GPC3: variants seen among roughly 807,000 people sequenced by gnomAD.
GPC3 encodes glypican 3, also known as glypican-3.
In GPC3, 3 loss-of-function variants were observed where a neutral mutation model predicts 34.4. That is an observed-to-expected ratio of 0.09 (90% CI 0.04 to 0.23). GPC3 has a LOEUF of 0.23. GPC3 is among the 10% of genes least tolerant of loss of function. The pLI, the probability that GPC3 is intolerant of heterozygous loss-of-function variation, is 1.00. For synonymous variants in GPC3, 177 were observed against 174.0 expected, an observed-to-expected ratio of 1.02 and a Z score of -0.13; for missense variants, 351 against 445.6, an observed-to-expected ratio of 0.79 and a Z score of 1.91.
chrX:133,646,864 G>A (rs1469530746), intron 6 of GPC3, among the ~76,000 whole-genome samples: 1 of 111,845 alleles, frequency 8.9e-6, no homozygotes, highest in Non-Finnish European at 1.9e-5. Context: ...GACTGAACAG[G>A]AAGAGAGTTC....
chrX:133,734,268 A>G (rs973745336), intron 3 of GPC3, among the ~76,000 whole-genome samples: 3 of 112,029 alleles, frequency 2.7e-5, no homozygotes, highest in African/African-American at 3.2e-5. Context: ...TATCATATCA[A>G]TAGAATAAAG....
intron 1 of GPC3, among the ~76,000 whole-genome samples, chrX:133,965,602 C>T (rs1285930917): frequency 1.8e-5 from 2 of 111,705 alleles, no homozygotes; most frequent in African/African-American, 6.5e-5. Context: ...TGATTTTGGA[C>T]TTCTGACCAT....
intron 2 of GPC3, chrX:133,762,845 A>C (rs753332781): frequency 1.9e-6 from 1 of 530,597 alleles, no homozygotes; most frequent in Admixed American, 2.3e-5. Flanking sequence ...GGTGTCCTTA[A>C]GTTCCTTGCA....
intron 7 of GPC3, among the ~76,000 whole-genome samples, chrX:133,562,858 C>T (rs190655814): frequency 3.5e-4 from 36 of 102,519 alleles, no homozygotes; most frequent in African/African-American, 1.3e-3. Flanking sequence ...TGAGTAGCTC[C>T]GGTCAACTAC....
At chrX:133,550,024 G>A in intron 7 of GPC3, among the ~76,000 whole-genome samples, 1 of 102,635 alleles carries the variant, frequency 9.7e-6, no homozygotes, top group South Asian at 4.5e-4. Flanking sequence ...TGTTTGTTTT[G>A]TTTTTTTTTA....
At chrX:133,945,334 C>T (rs764960553) in intron 2 of GPC3, among the ~76,000 whole-genome samples, 3 of 110,865 alleles carry the variant, frequency 2.7e-5, no homozygotes, top group South Asian at 7.8e-4. Flanking sequence ...GAGGTTGCAG[C>T]GAGCTGAGAT....
intron 3 of GPC3, among the ~76,000 whole-genome samples, chrX:133,738,287 T>C (rs2071529464): frequency 8.9e-6 from 1 of 111,997 alleles, no homozygotes; most frequent in Non-Finnish European, 1.9e-5. Flanking sequence ...TCATCTTCCT[T>C]GTACTCCTGT....
intron 2 of GPC3, among the ~76,000 whole-genome samples, chrX:133,851,017 T>C (rs1356673726): frequency 9.0e-6 from 1 of 110,939 alleles, no homozygotes; most frequent in East Asian, 2.8e-4. Flanking sequence ...GGCAGAAGAA[T>C]TGCTTGAACC....
intron 3 of GPC3, among the ~76,000 whole-genome samples, chrX:133,730,800 A>G (rs761450748): frequency 1.8e-5 from 2 of 110,510 alleles, no homozygotes; most frequent in Non-Finnish European, 3.8e-5. Context: ...GTCATATATA[A>G]AAAAAAAGGA....
chrX:133,725,815 T>C (rs1177200055), intron 3 of GPC3, among the ~76,000 whole-genome samples: 9 of 111,966 alleles, frequency 8.0e-5, no homozygotes, highest in Non-Finnish European at 1.9e-5. Flanking sequence ...CAGGTACTAC[T>C]GTTGGTAACA....
intron 2 of GPC3, among the ~76,000 whole-genome samples, chrX:133,754,404 A>G (rs1157300380): frequency 8.9e-6 from 1 of 112,038 alleles, no homozygotes; most frequent in Non-Finnish European, 1.9e-5. Context: ...TGATGTGCAC[A>G]TAAATTCTTA....
At chrX:133,584,024 G>A (rs780429147) in intron 7 of GPC3, among the ~76,000 whole-genome samples, 23 of 111,464 alleles carry the variant, frequency 2.1e-4, no homozygotes, top group Non-Finnish European at 3.0e-4. Context: ...TTCACATGCC[G>A]TGCCTTCCCC....
At chrX:133,932,206 A>G (rs1382594651) in intron 2 of GPC3, among the ~76,000 whole-genome samples, 1 of 112,684 alleles carries the variant, frequency 8.9e-6, no homozygotes, top group Non-Finnish European at 1.9e-5. Context: ...TAGCCTGATT[A>G]TAATCAGAAC....
chrX:133,816,932 A>T (rs1240428443), intron 2 of GPC3, among the ~76,000 whole-genome samples: 4 of 112,372 alleles, frequency 3.6e-5, no homozygotes, highest in Non-Finnish European at 7.5e-5. Flanking sequence ...GCATGAGTTC[A>T]CAGGTTTAAT....
intron 2 of GPC3, among the ~76,000 whole-genome samples, chrX:133,946,375 T>C (rs913687432): frequency 2.3e-4 from 26 of 111,842 alleles, no homozygotes; most frequent in Non-Finnish European, 3.9e-4. Context: ...ATTTTGTCAG[T>C]GATAAAATGA....
At chrX:133,802,555 C>T (rs1490774763) in intron 2 of GPC3, among the ~76,000 whole-genome samples, 1 of 112,310 alleles carries the variant, frequency 8.9e-6, no homozygotes, top group Admixed American at 9.4e-5. Context: ...TTGTCCATCA[C>T]TCCTCCTCTT....
chrX:133,774,662 C>T (rs2124496946), intron 2 of GPC3, among the ~76,000 whole-genome samples: 1 of 111,559 alleles, frequency 9.0e-6, no homozygotes, highest in African/African-American at 3.3e-5. Context: ...ATACTGAATA[C>T]ATAAATTATC....
At chrX:133,720,755 A>G (rs763546302) in intron 3 of GPC3, among the ~76,000 whole-genome samples, 15 of 111,886 alleles carry the variant, frequency 1.3e-4, no homozygotes, top group African/African-American at 4.5e-4. Flanking sequence ...GGATGGAAAT[A>G]AAGACCATTA....
At chrX:133,944,676 T>TA (rs1490398165) in intron 2 of GPC3, among the ~76,000 whole-genome samples, 9 of 112,452 alleles carry the variant, frequency 8.0e-5, no homozygotes, top group African/African-American at 1.3e-4. Context: ...TATTAAAACA[T>TA]AAAAAATTAT....
Sources: allele counts gnomAD v4.1 joint callset (sites outside exome capture counted in the v4.1 genomes callset), GRCh38; gene constraint gnomAD v4.1.1; transcripts MANE v1.5; gene names NCBI Gene and HGNC (gene_info 2026-07-23, HGNC 2026-07-21).